The following PAX3 variants were observed in gnomAD, a reference collection of about 807,000 sequenced individuals.
PAX3 encodes paired box 3.
A neutral mutation model predicts 51.6 loss-of-function variants in PAX3; 14 were observed. The ratio of observed to expected loss-of-function variants is 0.27; its 90% CI spans 0.18 to 0.42. The LOEUF is 0.42. Ranked by LOEUF, PAX3 falls within the 10% of genes least tolerant of loss-of-function variation. PAX3 has a pLI of 1.00. For synonymous variants in PAX3, 280 were observed against 253.4 expected (o/e 1.11, Z -1.00); for missense variants, 540 against 642.8 (o/e 0.84, Z 1.73).
chr2:222,217,179 T>C (rs1691996023), intron 7 of PAX3, among the ~76,000 whole-genome samples: 1 of 152,138 alleles, frequency 6.6e-6, no homozygotes, highest in Non-Finnish European at 1.5e-5. Flanking sequence ...TTTTTCTACT[T>C]TATAGACACT....
intron 4 of PAX3, among the ~76,000 whole-genome samples, chr2:222,282,326 T>C (rs1694675544): frequency 6.6e-6 from 1 of 152,092 alleles, no homozygotes. Context: ...AACAACTGAA[T>C]TCCATAGCAT....
intron 4 of PAX3, among the ~76,000 whole-genome samples, chr2:222,240,339 C>A (rs1559278551): frequency 1.3e-5 from 2 of 152,120 alleles, no homozygotes; most frequent in Admixed American, 6.5e-5. Flanking sequence ...AGCCCCAAAG[C>A]CCCCCAACAT....
At chr2:222,256,542 C>CCCAGAGACT (rs1186368035) in intron 4 of PAX3, among the ~76,000 whole-genome samples, 6 of 152,016 alleles carry the variant, frequency 3.9e-5, no homozygotes, top group Non-Finnish European at 7.3e-5. Flanking sequence ...GTCCCTCGGC[C>CCCAGAGACT]CCAGAGACTC....
intron 4 of PAX3, among the ~76,000 whole-genome samples, chr2:222,234,473 A>T (rs528870587): frequency 6.6e-6 from 1 of 152,194 alleles, no homozygotes; most frequent in Non-Finnish European, 1.5e-5. Flanking sequence ...ATGATTGATA[A>T]ATGTAAGCTA....
intron 4 of PAX3, among the ~76,000 whole-genome samples, chr2:222,265,691 G>GAAGGAAGGAAGGAAGGGAGA (rs1553583540): frequency 7.0e-6 from 1 of 142,028 alleles, no homozygotes; most frequent in African/African-American, 2.5e-5. Context: ...AGGAAGGAAG[G>GAAGGAAGGAAGGAAGGGAGA]GAGAAAGATT....
intron 5 of PAX3, among the ~76,000 whole-genome samples, chr2:222,228,963 C>A (rs950646685): frequency 4.6e-5 from 7 of 151,902 alleles, no homozygotes; most frequent in Admixed American, 2.6e-4. Flanking sequence ...AACAAACAAA[C>A]AAAAAAGCAG....
intron 4 of PAX3, among the ~76,000 whole-genome samples, chr2:222,286,552 G>GTGTTT (rs373526797): frequency 3.3e-5 from 5 of 152,346 alleles, no homozygotes; most frequent in East Asian, 1.9e-4. Flanking sequence ...CAAAGTGGAG[G>GTGTTT]TGTTTTGTTT....
intron 5 of PAX3, among the ~76,000 whole-genome samples, chr2:222,223,825 A>C (rs1692287350): frequency 6.6e-6 from 1 of 152,148 alleles, no homozygotes; most frequent in Non-Finnish European, 1.5e-5. Context: ...AGAACTCAGA[A>C]AGGTACGCTT....
intron 4 of PAX3, among the ~76,000 whole-genome samples, chr2:222,269,110 C>T (rs6709445): frequency 0.77 from 117,827 of 152,124 alleles, 46,215 homozygotes; most frequent in East Asian, 0.98. Flanking sequence ...TTGACATGGC[C>T]CTGTCTGGCT....
intron 4 of PAX3, among the ~76,000 whole-genome samples, chr2:222,244,622 G>T (rs552029151): frequency 5.9e-4 from 89 of 151,472 alleles, no homozygotes; most frequent in African/African-American, 2.2e-3. Flanking sequence ...CACCACCAAA[G>T]CTTTGCAGGT....
chr2:222,208,231 G>T (rs1441285525), intron 7 of PAX3, among the ~76,000 whole-genome samples: 3 of 152,002 alleles, frequency 2.0e-5, no homozygotes, highest in African/African-American at 7.3e-5. Context: ...AATATGCTTT[G>T]TGACCATGTC....
At chr2:222,283,300 G>A (rs1166948251) in intron 4 of PAX3, among the ~76,000 whole-genome samples, 5 of 152,112 alleles carry the variant, frequency 3.3e-5, no homozygotes, top group Non-Finnish European at 1.5e-5. Context: ...TGTAGGTAGG[G>A]TACCATTTCT....
intron 7 of PAX3, among the ~76,000 whole-genome samples, chr2:222,209,695 A>C (rs1231308388): frequency 2.1e-5 from 2 of 93,348 alleles, no homozygotes; most frequent in Admixed American, 1.2e-4. Context: ...CTCTGTCTCT[A>C]CAAAAAAAAA....
intron 4 of PAX3, among the ~76,000 whole-genome samples, chr2:222,241,637 A>G (rs1693019059): frequency 6.6e-6 from 1 of 152,274 alleles, no homozygotes; most frequent in African/African-American, 2.4e-5. Context: ...ATCATTAGCT[A>G]AACTGTTTCA....
intron 7 of PAX3, among the ~76,000 whole-genome samples, chr2:222,210,324 A>T (rs916831081): frequency 6.6e-6 from 1 of 152,200 alleles, no homozygotes; most frequent in Non-Finnish European, 1.5e-5. Flanking sequence ...TTGATGGTAC[A>T]TGATGTTTTA....
At chr2:222,272,266 T>C (rs1694279873) in intron 4 of PAX3, among the ~76,000 whole-genome samples, 1 of 152,228 alleles carries the variant, frequency 6.6e-6, no homozygotes, top group South Asian at 2.1e-4. Flanking sequence ...GCTTTAGTTC[T>C]TTAAAAATGT....
chr2:222,236,213 A>G (rs1692793024), intron 4 of PAX3, among the ~76,000 whole-genome samples: 1 of 152,212 alleles, frequency 6.6e-6, no homozygotes, highest in South Asian at 2.1e-4. Flanking sequence ...TTATTTGTAC[A>G]GCACTTGATT....
At chr2:222,242,014 CA>C (rs1272266616) in intron 4 of PAX3, among the ~76,000 whole-genome samples, 1 of 152,090 alleles carries the variant, frequency 6.6e-6, no homozygotes, top group African/African-American at 2.4e-5. Flanking sequence ...AGTGATCGAA[CA>C]AAAAATAAGC....
At chr2:222,289,841 GGAT>G (rs1411372131) in intron 4 of PAX3, among the ~76,000 whole-genome samples, 18 of 152,162 alleles carry the variant, frequency 1.2e-4, no homozygotes, top group African/African-American at 3.9e-4. Flanking sequence ...TTTTTTAAAT[GGAT>G]GATATTTCTT....
Sources: allele counts gnomAD v4.1 joint callset (sites outside exome capture counted in the v4.1 genomes callset), GRCh38; gene constraint gnomAD v4.1.1; transcripts MANE v1.5; gene names NCBI Gene and HGNC (gene_info 2026-07-23, HGNC 2026-07-21).